Variants in CA11 observed in about 807,000 individuals in gnomAD.
CA11 encodes carbonic anhydrase 11 (inactive).
Under a neutral mutation model 39.3 loss-of-function variants are expected in CA11, and 20 were observed. The ratio of observed to expected loss-of-function variants is 0.51; its 90% confidence interval spans 0.36 to 0.74. CA11 has a LOEUF of 0.74. Among genes scored for constraint, CA11 ranks in the 30% least tolerant of loss-of-function variants. The pLI is 0.00. For missense variants in CA11, 336 were observed against 424.6 expected, an observed-to-expected ratio of 0.79 and a Z score of 1.83; for synonymous variants, 166 against 172.5, an observed-to-expected ratio of 0.96 and a Z score of 0.29.
At chr19:48,641,199 C>T (rs1473328199) in intron 3 of CA11, among the ~76,000 whole-genome samples, 1 of 152,014 alleles carries the variant, frequency 6.6e-6, no homozygotes, top group Non-Finnish European at 1.5e-5. Context: ...AGGCTGGTCT[C>T]AAACTCCTGA....
rs548906769 is a variant in CA11 at position 48,644,538 on chromosome 19, C to T, written c.174G>A (p.Ala58=). Residue 58 remains alanine (A), a synonymous_variant, in exon 3 of 9, where the codon GCG becomes GCA. Transcript: ENST00000084798. ...GCTTCCCCACAGCACACAGACTCCA[C>T]GCTGCATTCACCAGGCCCCAGAAAG... ...GPPFWGLVNA[A]WSLCAVGKRQ... 4.5e-5 allele frequency: 73 copies of T among 1,605,418 alleles called. No homozygotes were observed. Among genetic ancestry groups the T allele is most frequent in the Non-Finnish European group, 5.4e-5 (63 of 1,174,878 alleles).
rs926363014 is a variant in CA11 at position 48,638,440 on chromosome 19, A to G, written c.962-296T>C. The G allele has an allele frequency of 2.2e-5, 22 of 1,013,482 alleles. No homozygotes were observed. In the Admixed American group the frequency reaches 9.7e-4, roughly 44 times the overall value. The allele number at this position is 1,013,482 out of a possible 1,614,324, so 62.8% of individuals were successfully genotyped here. ...GGGGTGTGTGAGATTCCTGGGCTAA[A>G]CCACAGGGAGGCAGAGGTGGAGGGA... is the stretch of plus-strand genomic sequence containing the variant. On this transcript the variant is annotated intron_variant, in intron 8 of 8. Transcript: ENST00000084798.
At chr19:48,639,132 G>T in intron 7 of CA11, 79 bp from the exon 8 acceptor site, 4 of 1,570,306 alleles carry the variant, frequency 2.5e-6, no homozygotes, top group South Asian at 2.3e-5. Context: ...CCCCGCCCCT[G>T]GGAGCAGGTG....
At chr19:48,639,283 G>T (rs1438454439) in intron 7 of CA11, 22 bp downstream of exon 7, 5 of 1,611,810 alleles carry the variant, frequency 3.1e-6, no homozygotes, top group Non-Finnish European at 4.2e-6. Context: ...GCCTAGGAAG[G>T]GCGGTGCGGA....
chr19:48,637,976 A>G lies in CA11; in HGVS notation c.*143T>C. The G allele has an allele frequency of 2.0e-6, 1 of 509,038 alleles. No individual in the cohort carries two copies. The highest frequency in any genetic ancestry group is 3.5e-5 in the East Asian group (1 of 28,392). The allele number at this position is 509,038 out of a possible 1,614,324, so 31.5% of individuals were successfully genotyped here. ...GGAAGAAGTCTGTTCTTTAATACCC[A>G]AATGTTTCCCCACCGCGCCTAGAAT... On this transcript the variant is annotated 3_prime_UTR_variant, in exon 9 of 9. Transcript: ENST00000084798.
At chr19:48,641,908 T>G (rs1355122643) in intron 3 of CA11, among the ~76,000 whole-genome samples, 1 of 146,256 alleles carries the variant, frequency 6.8e-6, no homozygotes, top group East Asian at 2.1e-4. Flanking sequence ...CAAGTCATCA[T>G]CCTGCCTTAG....
At chr19:48,640,345 T>A in intron 3 of CA11, 65 bp from the exon 4 acceptor site, 5 of 933,694 alleles carry the variant, frequency 5.4e-6, no homozygotes, top group Non-Finnish European at 8.2e-6. Context: ...TTCCCACGCC[T>A]ACATTTTCTG....
intron 5 of CA11, 21 bp downstream of exon 5, chr19:48,639,767 C>T: frequency 6.2e-7 from 1 of 1,611,812 alleles, no homozygotes; most frequent in Non-Finnish European, 8.5e-7. Context: ...CTCCCTCCCT[C>T]TGAATCTCGC....
chr19:48,639,145 C>CG (rs2030974051), intron 7 of CA11, 92 bp from the exon 8 acceptor site: 1 of 1,552,722 alleles, frequency 6.4e-7, no homozygotes, highest in African/African-American at 1.4e-5. Flanking sequence ...AGCAGGTGGG[C>CG]GGGGTCTGTT....
In CA11 at chr19:48,645,657, C is replaced by T; in HGVS notation, c.-25G>A. On this transcript the variant is annotated 5_prime_UTR_variant, in exon 1 of 9. Coordinates refer to ENST00000084798, the MANE Select transcript of CA11 (RefSeq NM_001217.5). ...TCCCCAGGAGGCCTCCGAGGGACCCCTGCCCAACGCCCTGCCCCCCTCTCT... is the reference window on the plus strand; with the variant it reads ...TCCCCAGGAGGCCTCCGAGGGACCCTTGCCCAACGCCCTGCCCCCCTCTCT... The T allele has an allele frequency of 6.6e-7, 1 of 1,515,784 alleles. No individual in the cohort carries two copies. Among genetic ancestry groups the T allele is most frequent in the South Asian group, 1.3e-5 (1 of 79,050 alleles). 93.9% of individuals were successfully genotyped at this position (1,515,784 alleles called of 1,614,324 possible).
Position 48,639,331 on chromosome 19 carries a change from G to T in CA11, c.769C>A (p.Arg257=), listed in dbSNP as rs370565241. The change falls in exon 7 of 9, where the codon CGG becomes AGG. Residue 257 remains arginine, a synonymous_variant. Coordinates refer to ENST00000084798, the MANE Select transcript of CA11 (RefSeq NM_001217.5). The stretch of plus-strand genomic sequence containing the variant: ...TGAAGGGAGGTGATATTGAGGGCCC[G>T]GTCAATGAGGATCCAGGTGACAGTC... The part of the protein sequence containing the change: ...SETVTWILID[R]ALNITSLQMH... The T allele has an allele frequency of 6.2e-7, 1 of 1,613,608 alleles. No homozygotes were observed. Among genetic ancestry groups the T allele is most frequent in the Admixed American group, 1.7e-5 (1 of 59,988 alleles).
At position 48,639,333 on chromosome 19, in the gene CA11, T is replaced by A; in HGVS notation, c.767A>T (p.Asp256Val). The A allele has an allele frequency of 6.2e-7, 1 of 1,613,318 alleles. No homozygotes were observed. The highest frequency in any genetic ancestry group is 8.5e-7 in the Non-Finnish European group (1 of 1,179,844). The change falls in exon 7 of 9, where the codon GAC becomes GTC. Residue 256 changes from aspartate (D) to valine (V), a missense_variant. By Grantham distance (152) the Asp-to-Val change is radical. Transcript: ENST00000084798. ...AAGGGAGGTGATATTGAGGGCCCGG[T>A]CAATGAGGATCCAGGTGACAGTCTC... ...CSETVTWILIDRALNITSLQM... is the reference protein window; with the variant it reads ...CSETVTWILIVRALNITSLQM...
At position 48,645,689 on chromosome 19, in the gene CA11, C is replaced by T; in HGVS notation, c.-57G>A. Reference sequence around the variant, plus strand: ...ACGCCCTGCCCCCCTCTCTCAGCTCCTCTGTCCCCTCCTTCTGGGACCCTG... The same window carrying T: ...ACGCCCTGCCCCCCTCTCTCAGCTCTTCTGTCCCCTCCTTCTGGGACCCTG... On this transcript the variant is annotated 5_prime_UTR_variant, in exon 1 of 9. Coordinates refer to ENST00000084798, the MANE Select transcript of CA11 (RefSeq NM_001217.5). 7.4e-7 allele frequency: 1 copy of T among 1,354,620 alleles called. No homozygotes were observed. The highest frequency in any genetic ancestry group is 1.5e-5 in the African/African-American group (1 of 67,940). The allele number at this position is 1,354,620 out of a possible 1,614,324, so 83.9% of individuals were successfully genotyped here.
intron 8 of CA11, 61 bp from the exon 9 acceptor site, chr19:48,638,205 G>A: frequency 8.6e-7 from 1 of 1,161,444 alleles, no homozygotes; most frequent in Non-Finnish European, 1.1e-6. Context: ...CGGGGGGTGT[G>A]CAGGGGGCGT....
intron 7 of CA11, 58 bp downstream of exon 7, chr19:48,639,247 C>T (rs2030981099): frequency 6.3e-7 from 1 of 1,596,084 alleles, no homozygotes; most frequent in East Asian, 2.2e-5. Context: ...CAAGGGGATG[C>T]CCAGGCCAGT....
chr19:48,641,878 T>G (rs2147720633), intron 3 of CA11, among the ~76,000 whole-genome samples: 1 of 148,500 alleles, frequency 6.7e-6, no homozygotes, highest in South Asian at 2.2e-4. Flanking sequence ...TTGCCCAGGC[T>G]GGTCTTAAAT....
In CA11 at chr19:48,638,894, G is replaced by T. The variant is rs145337926; in HGVS notation, c.955C>A (p.Leu319Met). The change falls in exon 8 of 9, where the codon CTG becomes ATG. Residue 319 changes from leucine to methionine, a missense_variant. Coordinates refer to ENST00000084798, the MANE Select transcript of CA11 (RefSeq NM_001217.5). ...GGTGCAGACTGGACCATACCATGCAGGCGGTAGTTGGGGCCTCGGCAGCGC... is the reference window on the plus strand; with the variant it reads ...GGTGCAGACTGGACCATACCATGCATGCGGTAGTTGGGGCCTCGGCAGCGC... ...ERRCRGPNYRLHVDGVPHGR is the reference protein window; with the variant it reads ...ERRCRGPNYRMHVDGVPHGR 9 of 1,589,970 alleles carry T rather than the reference G, an allele frequency of 5.7e-6. No individual in the cohort carries two copies. The highest frequency in any genetic ancestry group is 1.4e-5 in the African/African-American group (1 of 74,024).
chr19:48,640,365 G>GTA, intron 3 of CA11, 85 bp from the exon 4 acceptor site: 27 of 469,580 alleles, frequency 5.7e-5, no homozygotes, highest in Non-Finnish European at 8.3e-5. Context: ...GATTCCAACA[G>GTA]TCTTTTTTTT....
At chr19:48,639,145 CG>C in intron 7 of CA11, 92 bp from the exon 8 acceptor site, 3 of 1,552,848 alleles carry the variant, frequency 1.9e-6, no homozygotes, top group Non-Finnish European at 1.8e-6. Context: ...AGCAGGTGGG[CG>C]GGGTCTGTTC....
Sources: allele counts gnomAD v4.1 joint callset (sites outside exome capture counted in the v4.1 genomes callset), GRCh38; gene constraint gnomAD v4.1.1; transcripts MANE v1.5; gene names NCBI Gene and HGNC (gene_info 2026-07-23, HGNC 2026-07-21).